The following ANKRD31 variants were observed in gnomAD, a reference collection of about 807,000 sequenced individuals.
ANKRD31 encodes ankyrin repeat domain-containing protein 31.
ANKRD31 carries 147 observed loss-of-function variants against 186.0 expected under a neutral mutation model. That is an observed-to-expected ratio of 0.79 (90% CI 0.69 to 0.91). The LOEUF (loss-of-function observed/expected upper bound fraction) is 0.91, where lower values mean the gene tolerates loss of function less well. ANKRD31 is among the 40% of genes least tolerant of loss of function. The pLI is 0.00. For missense variants in ANKRD31, 1,986 were observed against 2,148.8 expected (o/e 0.92, Z 1.50); for synonymous variants, 673 against 736.4 (o/e 0.91, Z 1.39).
In ANKRD31 at chr5:75,105,236, A is replaced by C. The variant is rs1269929986; in HGVS notation, c.4341-18T>G. On this transcript the variant is annotated intron_variant, in intron 21 of 25. Transcript: ENST00000506364. ...TGGATACCCTATAGGAAGAAACAGA[A>C]AGAGAAAAAATGCAATAACAGCAGA... 3 of 1,456,974 alleles carry C rather than the reference A, an allele frequency of 2.1e-6. No individual in the cohort carries two copies. The highest frequency in any genetic ancestry group is 2.7e-6 in the Non-Finnish European group (3 of 1,113,770). The allele number at this position is 1,456,974 out of a possible 1,614,324, so 90.3% of individuals were successfully genotyped here.
At chr5:75,180,690 G>A (rs1284051340) in intron 10 of ANKRD31, among the ~76,000 whole-genome samples, 1 of 152,136 alleles carries the variant, frequency 6.6e-6, no homozygotes, top group Non-Finnish European at 1.5e-5. Context: ...TATGTAGAAA[G>A]CTGAAACTGG....
At chr5:75,117,860 A>G (rs1748424977) in intron 18 of ANKRD31, among the ~76,000 whole-genome samples, 3 of 152,208 alleles carry the variant, frequency 2.0e-5, no homozygotes, top group African/African-American at 7.2e-5. Flanking sequence ...TTACATCTCT[A>G]TCTCAAACCC....
intron 23 of ANKRD31, among the ~76,000 whole-genome samples, chr5:75,090,387 G>T (rs1745833097): frequency 6.6e-6 from 1 of 152,154 alleles, no homozygotes; most frequent in South Asian, 2.1e-4. Flanking sequence ...AGAATGCAGG[G>T]TTGGGGCACA....
intron 3 of ANKRD31, among the ~76,000 whole-genome samples, chr5:75,218,913 G>A (rs1757128155): frequency 6.6e-6 from 1 of 151,998 alleles, no homozygotes; most frequent in Non-Finnish European, 1.5e-5. Flanking sequence ...TGCAGAAAAG[G>A]CTTTCAATCA....
chr5:75,155,471 T>C (rs538846403), intron 11 of ANKRD31, among the ~76,000 whole-genome samples: 1 of 152,310 alleles, frequency 6.6e-6, no homozygotes, highest in African/African-American at 2.4e-5. Context: ...TATAATTTAT[T>C]TCACCAGTAC....
intron 9 of ANKRD31, among the ~76,000 whole-genome samples, chr5:75,189,315 A>G (rs1038589169): frequency 6.6e-6 from 1 of 152,156 alleles, no homozygotes; most frequent in Non-Finnish European, 1.5e-5. Flanking sequence ...CCTCATTTAC[A>G]TGTTTCAAAT....
chr5:75,122,896 A>T (rs1281976829), intron 17 of ANKRD31, among the ~76,000 whole-genome samples: 2 of 152,146 alleles, frequency 1.3e-5, no homozygotes, highest in Non-Finnish European at 2.9e-5. Context: ...GCCCACTTAC[A>T]CCACTCCTGT....
chr5:75,222,271 A>T lies in ANKRD31; in HGVS notation c.266T>A (p.Leu89His). 6.5e-7 allele frequency: 1 copy of T among 1,536,054 alleles called. No homozygotes were observed. Among genetic ancestry groups the T allele is most frequent in the Non-Finnish European group, 8.7e-7 (1 of 1,146,124 alleles). ...QMNKNKMMPV[L>H]SEDTILQSQD... ...CACCTGTAATATTGTATCCTCGCTA[A>T]GAACAGGCATCATCTTATTTTTATT... Residue 89 changes from leucine to histidine, a missense_variant, in exon 3 of 26, where the codon CTT becomes CAT. Coordinates refer to ENST00000506364, the MANE Select transcript of ANKRD31 (RefSeq NM_001372053.1).
chr5:75,131,248 G>A (rs1247308023), intron 17 of ANKRD31, among the ~76,000 whole-genome samples: 1 of 152,216 alleles, frequency 6.6e-6, no homozygotes, highest in Non-Finnish European at 1.5e-5. Context: ...GCAGGCTGAA[G>A]GGCCCCTGGA....
intron 10 of ANKRD31, among the ~76,000 whole-genome samples, chr5:75,175,397 C>T (rs1753709545): frequency 6.6e-6 from 1 of 151,960 alleles, no homozygotes; most frequent in South Asian, 2.1e-4. Flanking sequence ...AGAATAGACT[C>T]CTCAATCTGA....
At chr5:75,070,572 A>G (rs964468645) in intron 25 of ANKRD31, among the ~76,000 whole-genome samples, 2 of 152,156 alleles carry the variant, frequency 1.3e-5, no homozygotes, top group African/African-American at 4.8e-5. Context: ...ATCCTTTTAT[A>G]CTACCACCAA....
chr5:75,232,327 C>T lies in ANKRD31; in HGVS notation c.105-1692G>A, dbSNP rs958627435. On this transcript the variant is annotated intron_variant, in intron 1 of 25. Coordinates refer to ENST00000506364, the MANE Select transcript of ANKRD31 (RefSeq NM_001372053.1). The stretch of plus-strand genomic sequence containing the variant: ...CACCCAGGCTGGAATGAAGTGGCAC[C>T]ATCTCAGCTCACTACAACCTCCACC... Among the ~76,000 whole-genome samples, 3 of 152,046 alleles carry T rather than the reference C, an allele frequency of 2.0e-5. No individual in the cohort carries two copies. In the East Asian group the frequency reaches 5.8e-4, roughly 29 times the overall value.
rs112529467 is a variant in ANKRD31 at position 75,145,867 on chromosome 5, G to C, written c.3424+120C>G. On this transcript the variant is annotated intron_variant, in intron 14 of 25. Coordinates refer to ENST00000506364, the MANE Select transcript of ANKRD31 (RefSeq NM_001372053.1). ...AGGTTTAGTGGCATCTCAAAATATG[G>C]CCCACATGTCCTCATTCTTCTCAGT... The C allele has an allele frequency of 9.0e-4, 778 of 862,886 alleles. 4 individuals carry two copies. The African/African-American group carries it at 0.01, about 11-fold the overall frequency. The allele number at this position is 862,886 out of a possible 1,614,324, so 53.5% of individuals were successfully genotyped here. A position where few individuals can be genotyped will look rare whatever the true frequency, so the allele number is the denominator to read the frequency against.
intron 15 of ANKRD31, among the ~76,000 whole-genome samples, chr5:75,139,747 G>C (rs967249707): frequency 6.6e-6 from 1 of 152,212 alleles, no homozygotes. Context: ...ATTGTAGAGA[G>C]AGAGCCAATC....
rs1580355921 is a variant in ANKRD31 at position 75,116,205 on chromosome 5, A to G, written c.4155+361T>C. 2.8e-5 allele frequency among the ~76,000 whole-genome samples: 4 copies of G among 142,670 alleles called. No individual in the cohort carries two copies. In the South Asian group the frequency reaches 9.0e-4, roughly 32 times the overall value. 93.6% of individuals were successfully genotyped at this position (142,670 alleles called of 152,430 possible). A position where few individuals can be genotyped will look rare whatever the true frequency, so the allele number is the denominator to read the frequency against. ...ATTCTCACTCATAGGTGGGAATTGA[A>G]CAATGAGAACACATGGACACAGGAA... On this transcript the variant is annotated intron_variant, in intron 19 of 25. Transcript: ENST00000506364.
At chr5:75,141,844 G>A (rs1347013862) in intron 15 of ANKRD31, among the ~76,000 whole-genome samples, 1 of 152,032 alleles carries the variant, frequency 6.6e-6, no homozygotes, top group South Asian at 2.1e-4. Context: ...TCTTACTGTG[G>A]ATGGTATAAA....
intron 3 of ANKRD31, among the ~76,000 whole-genome samples, chr5:75,211,623 G>A (rs186223226): frequency 5.8e-4 from 89 of 152,198 alleles, no homozygotes; most frequent in African/African-American, 2.1e-3. Flanking sequence ...ATGTACAAGG[G>A]TTCCAATTTC....
intron 22 of ANKRD31, among the ~76,000 whole-genome samples, chr5:75,094,202 A>T (rs1283870363): frequency 6.6e-6 from 1 of 152,184 alleles, no homozygotes; most frequent in African/African-American, 2.4e-5. Flanking sequence ...TCAAATCTAC[A>T]AAAATAAATG....
At chr5:75,135,017 C>A (rs1750444906) in intron 17 of ANKRD31, among the ~76,000 whole-genome samples, 1 of 152,160 alleles carries the variant, frequency 6.6e-6, no homozygotes, top group South Asian at 2.1e-4. Context: ...GGACGTATCT[C>A]AAAATAATAA....
Sources: allele counts gnomAD v4.1 joint callset (sites outside exome capture counted in the v4.1 genomes callset), GRCh38; gene constraint gnomAD v4.1.1; transcripts MANE v1.5; gene names NCBI Gene and HGNC (gene_info 2026-07-23, HGNC 2026-07-21).